The following CTNND2 variants were observed in gnomAD, a reference collection of about 807,000 sequenced individuals.
CTNND2 encodes the protein catenin delta 2.
Under a neutral mutation model 144.4 loss-of-function variants are expected in CTNND2, and 22 were observed. That is an observed-to-expected ratio of 0.15 (90% confidence interval 0.11 to 0.22). The LOEUF (loss-of-function observed/expected upper bound fraction) is 0.22, where lower values mean the gene tolerates loss of function less well. CTNND2 is among the 10% of genes least tolerant of loss of function. The pLI is 1.00. For missense variants in CTNND2, 1,353 were observed against 1,618.8 expected (o/e 0.84, Z 2.82); for synonymous variants, 751 against 695.6 (o/e 1.08, Z -1.25).
At chr5:11,588,751 G>A (rs1779033531) in intron 2 of CTNND2, 1 of 984,960 alleles carries the variant, frequency 1.0e-6, no homozygotes, top group African/African-American at 1.7e-5. Context: ...TGTACCTTTT[G>A]AAATAAATGG....
chr5:11,675,907 A>G (rs1169011009), intron 2 of CTNND2, among the ~76,000 whole-genome samples: 2 of 151,292 alleles, frequency 1.3e-5, no homozygotes, highest in Admixed American at 6.6e-5. Context: ...TGATATTTGT[A>G]TATGCTTCAT....
chr5:11,839,298 G>A (rs1020141035), intron 1 of CTNND2, among the ~76,000 whole-genome samples: 2 of 151,918 alleles, frequency 1.3e-5, no homozygotes, highest in Non-Finnish European at 2.9e-5. Context: ...TAAAGCATGG[G>A]GCATGGACCA....
intron 3 of CTNND2, among the ~76,000 whole-genome samples, chr5:11,541,824 A>T (rs866169758): frequency 2.2e-5 from 3 of 138,158 alleles, no homozygotes; most frequent in African/African-American, 8.2e-5. Flanking sequence ...TTGTCAACTT[A>T]TTATTTATTA....
intron 3 of CTNND2, among the ~76,000 whole-genome samples, chr5:11,436,392 C>T (rs144665501): frequency 2.0e-5 from 3 of 152,266 alleles, no homozygotes; most frequent in African/African-American, 7.2e-5. Flanking sequence ...AGTCCAGAAT[C>T]TGATGTATAA....
intron 9 of CTNND2, among the ~76,000 whole-genome samples, chr5:11,237,531 T>A (rs1216096924): frequency 6.6e-6 from 1 of 151,028 alleles, no homozygotes; most frequent in African/African-American, 2.4e-5. Context: ...GATGGGGTCT[T>A]ACTGTGTCAC....
intron 9 of CTNND2, among the ~76,000 whole-genome samples, chr5:11,319,280 C>T (rs1238121915): frequency 6.6e-6 from 1 of 151,972 alleles, no homozygotes. Context: ...ATACCTGGAA[C>T]AGAGCCAAGC....
chr5:11,457,823 G>C (rs1231115065), intron 3 of CTNND2, among the ~76,000 whole-genome samples: 7 of 152,160 alleles, frequency 4.6e-5, no homozygotes. Flanking sequence ...CTCATTCCAT[G>C]ACAGCTGTTG....
At chr5:11,675,512 C>T (rs1784126543) in intron 2 of CTNND2, among the ~76,000 whole-genome samples, 2 of 152,130 alleles carry the variant, frequency 1.3e-5, no homozygotes, top group Admixed American at 6.5e-5. Context: ...TCTTCTCTCA[C>T]CACCTCTGTG....
At chr5:11,165,457 A>G (rs577398395) in intron 11 of CTNND2, among the ~76,000 whole-genome samples, 2 of 152,336 alleles carry the variant, frequency 1.3e-5, no homozygotes, top group South Asian at 2.1e-4. Flanking sequence ...GATAACATGA[A>G]AAATGGTTTA....
At chr5:11,053,022 A>T (rs749607494) in intron 16 of CTNND2, among the ~76,000 whole-genome samples, 1 of 152,176 alleles carries the variant, frequency 6.6e-6, no homozygotes, top group Non-Finnish European at 1.5e-5. Context: ...TCAGTCTCTT[A>T]AAGATATGAC....
intron 9 of CTNND2, among the ~76,000 whole-genome samples, chr5:11,276,349 T>C (rs1746521330): frequency 6.6e-6 from 1 of 152,134 alleles, no homozygotes; most frequent in African/African-American, 2.4e-5. Flanking sequence ...GTCTGGGGCA[T>C]CCCCAAATCA....
chr5:11,012,538 G>A (rs190972842), intron 18 of CTNND2, among the ~76,000 whole-genome samples: 11 of 152,280 alleles, frequency 7.2e-5, no homozygotes, highest in African/African-American at 2.4e-4. Context: ...CAACCCTAGC[G>A]CATCTGAAAC....
chr5:11,688,977 GCCAAGAGACA>G (rs1784779201), intron 2 of CTNND2, among the ~76,000 whole-genome samples: 1 of 152,200 alleles, frequency 6.6e-6, no homozygotes, highest in Non-Finnish European at 1.5e-5. Flanking sequence ...AAGAGGTGCT[GCCAAGAGACA>G]CCAAGATGAC....
intron 3 of CTNND2, among the ~76,000 whole-genome samples, chr5:11,526,988 G>T (rs1773309912): frequency 1.3e-5 from 2 of 152,238 alleles, no homozygotes; most frequent in Non-Finnish European, 2.9e-5. Flanking sequence ...AGACACAGAA[G>T]GACAAATACT....
intron 2 of CTNND2, among the ~76,000 whole-genome samples, chr5:11,673,841 G>A (rs1459943531): frequency 6.6e-6 from 1 of 152,136 alleles, no homozygotes. Context: ...TGATTTATCA[G>A]CATATGAGTC....
chr5:11,715,841 A>T (rs1786320943), intron 2 of CTNND2, among the ~76,000 whole-genome samples: 1 of 152,214 alleles, frequency 6.6e-6, no homozygotes, highest in Admixed American at 6.5e-5. Context: ...AAAAAACAAA[A>T]TCAAACAACA....
chr5:11,437,762 T>C (rs1763898469), intron 3 of CTNND2, among the ~76,000 whole-genome samples: 1 of 152,230 alleles, frequency 6.6e-6, no homozygotes, highest in Non-Finnish European at 1.5e-5. Flanking sequence ...GTTGATAAAC[T>C]GGGGAACCCA....
At chr5:11,372,062 T>C (rs1307651755) in intron 7 of CTNND2, among the ~76,000 whole-genome samples, 2 of 152,232 alleles carry the variant, frequency 1.3e-5, no homozygotes, top group South Asian at 2.1e-4. Flanking sequence ...TCTGGCAGCG[T>C]ACAAAACACA....
chr5:11,180,973 G>A (rs1447565969), intron 11 of CTNND2, among the ~76,000 whole-genome samples: 2 of 152,210 alleles, frequency 1.3e-5, no homozygotes, highest in African/African-American at 4.8e-5. Context: ...GGGCCCGGAG[G>A]TTCTGGGGAA....
Sources: gnomAD v4.1 joint callset for allele counts (sites outside exome capture counted in the v4.1 genomes callset) on GRCh38, gnomAD v4.1.1 for gene constraint, MANE v1.5 for transcripts, NCBI Gene and HGNC (gene_info 2026-07-23, HGNC 2026-07-21) for gene names.